The following SEC62 variants were observed in gnomAD, a reference collection of about 807,000 sequenced individuals.
SEC62 encodes the protein translocation protein SEC62.
A neutral mutation model predicts 47.5 loss-of-function variants in SEC62; 10 were observed. The observed-to-expected ratio is 0.21, with a 90% CI of 0.13 to 0.36. The LOEUF (loss-of-function observed/expected upper bound fraction) is 0.36, where lower values mean the gene tolerates loss of function less well. Ranked by LOEUF, SEC62 falls within the 10% of genes least tolerant of loss-of-function variation. The probability of loss-of-function intolerance (pLI) is 1.00; values close to 1 mark genes in which losing one functional copy is unlikely to be tolerated. For synonymous variants in SEC62, 136 were observed against 150.5 expected (o/e 0.90, Z 0.71); for missense variants, 327 against 464.1 (o/e 0.70, Z 2.71).
intron 7 of SEC62, among the ~76,000 whole-genome samples, chr3:169,990,569 T>C (rs1715227603): frequency 6.6e-6 from 1 of 152,190 alleles, no homozygotes; most frequent in African/African-American, 2.4e-5. Context: ...TATATTGCTT[T>C]TTCTTTGGTT....
At chr3:169,979,822 C>T (rs1392581984) in intron 3 of SEC62, among the ~76,000 whole-genome samples, 1 of 152,120 alleles carries the variant, frequency 6.6e-6, no homozygotes, top group Admixed American at 6.5e-5. Context: ...TTTAAAATCT[C>T]CTGCCAGCTA....
chr3:169,982,948 CATT>C (rs1300769683), intron 4 of SEC62, 37 bp downstream of exon 4: 3 of 1,551,646 alleles, frequency 1.9e-6, no homozygotes, highest in African/African-American at 2.8e-5. Flanking sequence ...ATTTAAAAAT[CATT>C]ATGTGCACAT....
In SEC62 at chr3:169,982,708, C is replaced by T. The variant is rs765461271; in HGVS notation, c.253C>T (p.Leu85Phe). The change falls in exon 4 of 8, where the codon CTT becomes TTT. Residue 85 changes from leucine to phenylalanine, a missense_variant and splice_region_variant. Leu to Phe is a conservative substitution (Grantham distance 22, BLOSUM62 0). This residue lies in a region of SEC62 where 126 missense variants were observed against 161.2 expected (regional missense o/e 0.78). Transcript: ENST00000337002. Reference protein sequence around the residue: ...RESVVDYCNRLLKKQFFHRAL... With the variant: ...RESVVDYCNRFLKKQFFHRAL... ...ATGCCATACCTGTTTTTCCCAAAGG[C>T]TTTTAAAGAAGCAGTTTTTTCACCG... The T allele has an allele frequency of 6.2e-6, 10 of 1,606,160 alleles. No individual in the cohort carries two copies. The highest frequency in any genetic ancestry group is 8.5e-6 in the Non-Finnish European group (10 of 1,175,452).
chr3:169,986,406 T>C (rs898402057), intron 6 of SEC62, among the ~76,000 whole-genome samples: 1 of 152,206 alleles, frequency 6.6e-6, no homozygotes, highest in African/African-American at 2.4e-5. Context: ...TACTTGAGTA[T>C]AATCTAGCAA....
At chr3:169,986,458 A>T (rs538251866) in intron 6 of SEC62, among the ~76,000 whole-genome samples, 7 of 152,178 alleles carry the variant, frequency 4.6e-5, no homozygotes, top group African/African-American at 1.7e-4. Context: ...TTGATCTAAT[A>T]AATTCCACTT....
chr3:169,979,293 G>T (rs546830039), intron 3 of SEC62, among the ~76,000 whole-genome samples: 6 of 152,090 alleles, frequency 3.9e-5, no homozygotes, highest in Non-Finnish European at 8.8e-5. Flanking sequence ...AATCACAAAG[G>T]GTCTCTTGAC....
chr3:169,991,731 A>G (rs1401335018), intron 7 of SEC62, among the ~76,000 whole-genome samples: 1 of 152,170 alleles, frequency 6.6e-6, no homozygotes, highest in East Asian at 1.9e-4. Context: ...ACAAGGATTA[A>G]AAGATGGAAA....
chr3:169,987,225 G>C (rs896051704), intron 6 of SEC62, among the ~76,000 whole-genome samples: 1 of 151,828 alleles, frequency 6.6e-6, no homozygotes, highest in Non-Finnish European at 1.5e-5. Flanking sequence ...CCAAGGGTTC[G>C]AAACCAGCCT....
In SEC62 at chr3:169,992,775, A is replaced by G. The variant is rs765163608; in HGVS notation, c.912A>G (p.Gln304=). 97 of 1,614,056 alleles carry G rather than the reference A, an allele frequency of 6.0e-5. 1 individual carries two copies. The South Asian group carries it at 1.0e-3, about 17-fold the overall frequency. ...KKDEKSETKK[Q]QKSDSEEKSD... Reference sequence around the variant, plus strand: ...ATGAGAAGTCTGAAACCAAAAAGCAACAGAAGTCCGACAGTGAGGAAAAGT... The same window carrying G: ...ATGAGAAGTCTGAAACCAAAAAGCAGCAGAAGTCCGACAGTGAGGAAAAGT... The change falls in exon 8 of 8, where the codon CAA becomes CAG. Residue 304 remains glutamine (Q), a synonymous_variant. Transcript: ENST00000337002. The surrounding 1 kb of genome is among the most constrained non-coding windows in gnomAD (Gnocchi z 4.0).
chr3:169,979,358 C>T (rs1192855294), intron 3 of SEC62, among the ~76,000 whole-genome samples: 1 of 152,076 alleles, frequency 6.6e-6, no homozygotes, highest in African/African-American at 2.4e-5. Flanking sequence ...TTTTCTGAGG[C>T]AGCTAAGTGG....
chr3:169,969,648 A>G (rs1714645789), intron 1 of SEC62, among the ~76,000 whole-genome samples: 2 of 152,080 alleles, frequency 1.3e-5, no homozygotes, highest in Non-Finnish European at 2.9e-5. Flanking sequence ...AGGATCGTCA[A>G]TCAAGATAGT....
intron 7 of SEC62, among the ~76,000 whole-genome samples, chr3:169,990,472 TCTAGTGCCA>T (rs2108288631): frequency 6.6e-6 from 1 of 152,274 alleles, no homozygotes; most frequent in Non-Finnish European, 1.5e-5. Flanking sequence ...CTCTCGGTAA[TCTAGTGCCA>T]CATAGCGAAA....
chr3:169,997,019 C>T lies in SEC62; in HGVS notation c.*3956C>T, dbSNP rs1715393551. Reference sequence around the variant, plus strand: ...TTAGAAAAGATCTCATAACTTTATACAGCATGTTGTAAGCATTTTGATAAC... The same window carrying T: ...TTAGAAAAGATCTCATAACTTTATATAGCATGTTGTAAGCATTTTGATAAC... On this transcript the variant is annotated 3_prime_UTR_variant, in exon 8 of 8. Transcript: ENST00000337002. 6.6e-6 allele frequency: 1 copy of T among 152,216 alleles called. No homozygotes were observed. The highest frequency in any genetic ancestry group is 1.5e-5 in the Non-Finnish European group (1 of 68,042). The allele number at this position is 152,216 out of a possible 1,614,324, so 9.4% of individuals were successfully genotyped here. A position where few individuals can be genotyped will look rare whatever the true frequency, so the allele number is the denominator to read the frequency against.
Position 169,993,124 on chromosome 3 carries a change from AT to A in SEC62, c.*63del. 8.3e-7 allele frequency: 1 copy of A among 1,208,602 alleles called. No homozygotes were observed. The highest frequency in any genetic ancestry group is 1.1e-6 in the Non-Finnish European group (1 of 871,530). 74.9% of individuals were successfully genotyped at this position (1,208,602 alleles called of 1,614,324 possible). ...GAGGTTGGATTTTCTATGTTGGCTGATTACCATATTGAACACATGGCATTTG... is the reference window on the plus strand; with the variant it reads ...GAGGTTGGATTTTCTATGTTGGCTGATACCATATTGAACACATGGCATTTG... On this transcript the variant is annotated 3_prime_UTR_variant, in exon 8 of 8. Coordinates refer to ENST00000337002, the MANE Select transcript of SEC62 (RefSeq NM_003262.4).
At position 169,992,721 on chromosome 3, in the gene SEC62, C is replaced by G; in HGVS notation, c.858C>G (p.Tyr286Ter). 6.2e-7 allele frequency: 1 copy of G among 1,613,944 alleles called. No individual in the cohort carries two copies. Among genetic ancestry groups the G allele is most frequent in the Non-Finnish European group, 8.5e-7 (1 of 1,180,010 alleles). ...DSFRPLYTHE[Y>*]KGPKADLKKD... is the part of the protein sequence containing the mutation. ...TCAGGCCTCTGTACACACATGAATA[C>G]AAAGGACCAAAAGCAGACTTAAAGA... The change falls in exon 8 of 8, where the codon TAC (tyrosine) becomes TAG (stop). Residue 286 changes from tyrosine to a stop codon, truncating the protein, a stop_gained. Transcript: ENST00000337002. LOFTEE classifies it high-confidence loss of function. This position sits in a 1 kb window ranked among gnomAD's most constrained non-coding sequence, Gnocchi z 4.0.
chr3:169,969,184 T>A (rs1714631197), intron 1 of SEC62: 4 of 378,614 alleles, frequency 1.1e-5, no homozygotes. Flanking sequence ...GATTCAGTGA[T>A]CTTTAATTAT....
Position 169,993,106 on chromosome 3 carries a change from G to A in SEC62, c.*43G>A, listed in dbSNP as rs1236031766. 3.6e-6 allele frequency: 5 copies of A among 1,404,418 alleles called. No homozygotes were observed. The African/African-American group carries it at 5.8e-5, about 16-fold the overall frequency. 87.0% of individuals were successfully genotyped at this position (1,404,418 alleles called of 1,614,324 possible). ...CTGAATGAATAAGTACAAGAGGTTG[G>A]ATTTTCTATGTTGGCTGATTACCAT... On this transcript the variant is annotated 3_prime_UTR_variant, in exon 8 of 8. Coordinates refer to ENST00000337002, the MANE Select transcript of SEC62 (RefSeq NM_003262.4).
At chr3:169,974,619 T>C (rs552838578) in intron 1 of SEC62, among the ~76,000 whole-genome samples, 12 of 152,336 alleles carry the variant, frequency 7.9e-5, no homozygotes, top group South Asian at 2.1e-4. Context: ...TGCACTTCCA[T>C]TAATCACCTC....
chr3:169,984,916 G>A (rs1715066496), intron 5 of SEC62, among the ~76,000 whole-genome samples: 1 of 152,148 alleles, frequency 6.6e-6, no homozygotes, highest in Admixed American at 6.6e-5. Flanking sequence ...GTAAATTTCT[G>A]TTGTGTAAAA....
Sources: allele counts gnomAD v4.1 joint callset (sites outside exome capture counted in the v4.1 genomes callset), GRCh38; gene constraint gnomAD v4.1.1; regional missense constraint gnomAD v4.1.1; non-coding constraint Gnocchi (gnomAD v3.1); transcripts MANE v1.5; gene names NCBI Gene and HGNC (gene_info 2026-07-23, HGNC 2026-07-21).